Variants in SLCO5A1 observed in about 807,000 individuals in gnomAD.
SLCO5A1 encodes solute carrier organic anion transporter family member 5A1, also known as organic anion transporter polypeptide-related protein 4.
SLCO5A1 carries 39 observed loss-of-function variants against 65.1 expected under a neutral mutation model. The observed-to-expected ratio is 0.60, with a 90% CI of 0.46 to 0.78. SLCO5A1 has a LOEUF of 0.78. SLCO5A1 is among the 30% of genes least tolerant of loss of function. The pLI is 0.00. For missense variants in SLCO5A1, 1,029 were observed against 1,069.4 expected (o/e 0.96, Z 0.53); for synonymous variants, 438 against 415.7 (o/e 1.05, Z -0.65).
chr8:69,742,794 C>T (rs913543321), intron 4 of SLCO5A1, among the ~76,000 whole-genome samples: 130 of 83,096 alleles, frequency 1.6e-3, no homozygotes, highest in African/African-American at 2.2e-3. Context: ...TGAGTGGATT[C>T]TTTTTTTTTT....
intron 5 of SLCO5A1, among the ~76,000 whole-genome samples, chr8:69,710,019 CTTTTTTTT>C (rs33961429): frequency 7.7e-4 from 95 of 122,866 alleles, no homozygotes; most frequent in Non-Finnish European, 9.8e-4. Context: ...TCGGCAACAG[CTTTTTTTT>C]TTTTTTTTTA....
chr8:69,750,694 C>T (rs1563699940), intron 4 of SLCO5A1, among the ~76,000 whole-genome samples: 1 of 152,232 alleles, frequency 6.6e-6, no homozygotes, highest in South Asian at 2.1e-4. Context: ...TCAAATGCCA[C>T]CTCCTCCATA....
rs1336047130 is a variant in SLCO5A1 at position 69,705,171 on chromosome 8, T to C, written c.1482A>G (p.Lys494=). Residue 494 remains lysine, a synonymous_variant, in exon 6 of 10, where the codon AAA becomes AAG. Transcript: ENST00000260126. ...ATTCTCTGGCACCAAGTTTCAATTT[T>C]TTTATAATGTAGCCTCCGAGGACAA... ...VGIVLGGYII[K]KLKLGARESA... 1 of 1,614,112 alleles carries C rather than the reference T, an allele frequency of 6.2e-7. No individual in the cohort carries two copies. The highest frequency in any genetic ancestry group is 8.5e-7 in the Non-Finnish European group (1 of 1,180,052).
rs1813381474 is a variant in SLCO5A1 at position 69,672,865 on chromosome 8, AG to A, written c.*3del. ...ACAAAACTAAATTCTTCCATTTTCA[AG>A]CTTCAGGAGGGCGGCTCCAAGGCAG... On this transcript the variant is annotated 3_prime_UTR_variant, in exon 10 of 10. Transcript: ENST00000260126. 1 of 1,582,938 alleles carries A rather than the reference AG, an allele frequency of 6.3e-7. No homozygotes were observed. Among genetic ancestry groups the A allele is most frequent in the East Asian group, 2.3e-5 (1 of 44,382 alleles).
At chr8:69,732,021 C>A (rs73283478) in intron 5 of SLCO5A1, among the ~76,000 whole-genome samples, 4,605 of 152,270 alleles carry the variant, frequency 0.03, 241 homozygotes, top group African/African-American at 0.1. Flanking sequence ...TGCTCATAAA[C>A]TTATATAAAA....
chr8:69,731,069 C>G (rs1381898815), intron 5 of SLCO5A1, among the ~76,000 whole-genome samples: 1 of 151,880 alleles, frequency 6.6e-6, no homozygotes, highest in East Asian at 1.9e-4. Context: ...ACAATCTCGG[C>G]TCACTACAAC....
chr8:69,832,570 GAC>G lies in SLCO5A1; in HGVS notation c.102_103del (p.Arg34SerfsTer2). 1.2e-6 allele frequency: 2 copies of G among 1,612,850 alleles called. No individual in the cohort carries two copies. Among genetic ancestry groups the G allele is most frequent in the Non-Finnish European group, 1.7e-6 (2 of 1,179,504 alleles). ...GCTGCTGAGGACCGGTAAACTCTTA[GAC>G]CTGAGGGTCTCCGGCTCGCACCTCT... On this transcript the variant is annotated frameshift_variant, in exon 2 of 10. Coordinates refer to ENST00000260126, the MANE Select transcript of SLCO5A1 (RefSeq NM_030958.3). LOFTEE classifies it high-confidence loss of function. This position sits in a 1 kb window ranked among gnomAD's most constrained non-coding sequence, Gnocchi z 4.5.
At chr8:69,772,270 C>T (rs959091901) in intron 2 of SLCO5A1, among the ~76,000 whole-genome samples, 1 of 152,070 alleles carries the variant, frequency 6.6e-6, no homozygotes, top group Non-Finnish European at 1.5e-5. Flanking sequence ...CATATAATCC[C>T]AGCACTCTGG....
intron 5 of SLCO5A1, among the ~76,000 whole-genome samples, chr8:69,705,608 A>G (rs1814935439): frequency 6.6e-6 from 1 of 152,214 alleles, no homozygotes; most frequent in African/African-American, 2.4e-5. Flanking sequence ...GAAATGATAA[A>G]TACTCAGGTG....
chr8:69,766,804 A>G (rs142248855), intron 2 of SLCO5A1, among the ~76,000 whole-genome samples: 12 of 152,304 alleles, frequency 7.9e-5, no homozygotes, highest in African/African-American at 2.4e-4. Context: ...AAGCTCCTCA[A>G]GAGATGCTGG....
chr8:69,793,608 T>G (rs1187604730), intron 2 of SLCO5A1, among the ~76,000 whole-genome samples: 6 of 151,736 alleles, frequency 4.0e-5, no homozygotes, highest in African/African-American at 1.5e-4. Flanking sequence ...GCAAAACCCC[T>G]CTCTACTAAA....
intron 5 of SLCO5A1, among the ~76,000 whole-genome samples, chr8:69,716,401 G>C (rs1815540686): frequency 6.6e-6 from 1 of 152,214 alleles, no homozygotes; most frequent in Non-Finnish European, 1.5e-5. Flanking sequence ...GTACCAAACT[G>C]TTTTCCAAAG....
intron 6 of SLCO5A1, among the ~76,000 whole-genome samples, chr8:69,702,179 A>C (rs900127024): frequency 1.3e-5 from 2 of 151,550 alleles, no homozygotes; most frequent in African/African-American, 4.9e-5. Flanking sequence ...GATAGAAATA[A>C]AAATTATTCT....
At chr8:69,740,282 C>A (rs1816740457) in intron 4 of SLCO5A1, among the ~76,000 whole-genome samples, 1 of 152,140 alleles carries the variant, frequency 6.6e-6, no homozygotes, top group South Asian at 2.1e-4. Context: ...CAGGGTTGTA[C>A]CTTTGGTTGG....
At chr8:69,818,577 T>TA (rs1265580204) in intron 2 of SLCO5A1, among the ~76,000 whole-genome samples, 1 of 152,194 alleles carries the variant, frequency 6.6e-6, no homozygotes, top group Non-Finnish European at 1.5e-5. Flanking sequence ...TAAATGCTAC[T>TA]AAAAAGGCTG....
chr8:69,677,329 G>C (rs1813591291), intron 8 of SLCO5A1, among the ~76,000 whole-genome samples: 1 of 152,142 alleles, frequency 6.6e-6, no homozygotes, highest in African/African-American at 2.4e-5. Context: ...CTCCTTTTCT[G>C]AAATTTTAGG....
intron 2 of SLCO5A1, among the ~76,000 whole-genome samples, chr8:69,822,186 G>A (rs1233677443): frequency 6.6e-6 from 1 of 152,104 alleles, no homozygotes; most frequent in African/African-American, 2.4e-5. Flanking sequence ...TTACTTCCAA[G>A]TATGTCCTGA....
intron 3 of SLCO5A1, among the ~76,000 whole-genome samples, chr8:69,760,287 T>C (rs1817710183): frequency 6.6e-6 from 1 of 152,228 alleles, no homozygotes; most frequent in Non-Finnish European, 1.5e-5. Flanking sequence ...ACTCCTGTGT[T>C]ATTTCCCTAA....
intron 5 of SLCO5A1, among the ~76,000 whole-genome samples, chr8:69,733,763 G>A (rs962264730): frequency 7.2e-5 from 11 of 151,952 alleles, no homozygotes; most frequent in East Asian, 1.9e-4. Flanking sequence ...TTCCCCTTTC[G>A]CCCTGACTGT....
Sources: gnomAD v4.1 joint callset for allele counts (sites outside exome capture counted in the v4.1 genomes callset) on GRCh38, gnomAD v4.1.1 for gene constraint, Gnocchi (gnomAD v3.1) non-coding constraint, MANE v1.5 for transcripts, NCBI Gene and HGNC (gene_info 2026-07-23, HGNC 2026-07-21) for gene names.